The following NT5DC1 variants were observed in gnomAD, a reference collection of about 807,000 sequenced individuals.
NT5DC1 encodes 5'-nucleotidase domain containing 1.
In NT5DC1, 42 loss-of-function variants were observed where a neutral mutation model predicts 59.4. The ratio of observed to expected loss-of-function variants is 0.71; its 90% CI spans 0.55 to 0.92. The LOEUF (loss-of-function observed/expected upper bound fraction) is 0.92. Among genes scored for constraint, NT5DC1 ranks in the 40% least tolerant of loss-of-function variants. NT5DC1 has a pLI of 0.00. For synonymous variants in NT5DC1, 172 were observed against 188.1 expected, an observed-to-expected ratio of 0.91 and a Z score of 0.70; for missense variants, 501 against 537.1, an observed-to-expected ratio of 0.93 and a Z score of 0.66.
At chr6:116,196,389 A>G (rs530608422) in intron 6 of NT5DC1, among the ~76,000 whole-genome samples, 1 of 152,166 alleles carries the variant, frequency 6.6e-6, no homozygotes, top group South Asian at 2.1e-4. Flanking sequence ...GTTAATCAAA[A>G]TTTAAACCAG....
intron 6 of NT5DC1, among the ~76,000 whole-genome samples, chr6:116,188,252 T>C (rs1781043771): frequency 6.6e-6 from 1 of 152,002 alleles, no homozygotes; most frequent in African/African-American, 2.4e-5. Flanking sequence ...GGAGTGTAAA[T>C]TGTTGAGTTG....
chr6:116,122,841 A>G (rs924962410), intron 6 of NT5DC1, among the ~76,000 whole-genome samples: 3 of 152,230 alleles, frequency 2.0e-5, no homozygotes, highest in Non-Finnish European at 4.4e-5. Flanking sequence ...AATTAGAGTT[A>G]TATTTCAATT....
At chr6:116,125,827 A>G in intron 6 of NT5DC1, 1 of 218,072 alleles carries the variant, frequency 4.6e-6, no homozygotes. Flanking sequence ...TAATAGTTTC[A>G]AAATACACTG....
intron 6 of NT5DC1, chr6:116,121,470 G>A: frequency 6.2e-7 from 1 of 1,614,100 alleles, no homozygotes; most frequent in Non-Finnish European, 8.5e-7. Flanking sequence ...ACTCCAGGAG[G>A]GCCAGATGGT....
chr6:116,223,069 C>G lies in NT5DC1; in HGVS notation c.740C>G (p.Thr247Arg). 6.2e-7 allele frequency: 1 copy of G among 1,605,498 alleles called. No homozygotes were observed. ...ACAGACCTTTTTGACATTGTGATTACAAATGCATTGAAGCCTGGTTTCTTC... is the reference window on the plus strand; with the variant it reads ...ACAGACCTTTTTGACATTGTGATTAGAAATGCATTGAAGCCTGGTTTCTTC... ...DFTDLFDIVI[T>R]NALKPGFFSH... Residue 247 changes from threonine to arginine, a missense_variant, in exon 8 of 12, where the codon ACA (threonine) becomes AGA (arginine). By Grantham distance (71) the Thr-to-Arg change is moderately conservative. Coordinates refer to ENST00000319550, the MANE Select transcript of NT5DC1 (RefSeq NM_152729.3).
chr6:116,186,552 A>T (rs1336766468), intron 6 of NT5DC1, among the ~76,000 whole-genome samples: 1 of 151,856 alleles, frequency 6.6e-6, no homozygotes, highest in Non-Finnish European at 1.5e-5. Context: ...TCCCAAACTT[A>T]TTGGAGGCTT....
At chr6:116,175,699 G>A (rs2114461187) in intron 6 of NT5DC1, among the ~76,000 whole-genome samples, 1 of 152,234 alleles carries the variant, frequency 6.6e-6, no homozygotes, top group Non-Finnish European at 1.5e-5. Context: ...TATGTCAGAA[G>A]CTGATGAACA....
intron 11 of NT5DC1, among the ~76,000 whole-genome samples, chr6:116,241,466 TAAAC>T (rs1473233659): frequency 1.3e-5 from 2 of 152,100 alleles, no homozygotes; most frequent in East Asian, 3.8e-4. Context: ...ATGCTAGAAT[TAAAC>T]AATTAAGGAT....
intron 6 of NT5DC1, among the ~76,000 whole-genome samples, chr6:116,157,226 G>C (rs558129349): frequency 6.6e-6 from 1 of 152,284 alleles, no homozygotes. Context: ...GTTTAAAAAT[G>C]AGGATTCCCC....
chr6:116,179,580 A>G (rs953732141), intron 6 of NT5DC1, among the ~76,000 whole-genome samples: 1 of 152,172 alleles, frequency 6.6e-6, no homozygotes, highest in Admixed American at 6.6e-5. Context: ...TCAAAACCAC[A>G]AAGACCTTTT....
intron 2 of NT5DC1, among the ~76,000 whole-genome samples, chr6:116,107,801 T>C (rs1048764918): frequency 1.6e-4 from 25 of 152,092 alleles, no homozygotes; most frequent in African/African-American, 6.0e-4. Flanking sequence ...CTCGATCTCC[T>C]GACCTCGTGA....
chr6:116,157,136 G>A (rs986065168), intron 6 of NT5DC1, among the ~76,000 whole-genome samples: 1 of 152,122 alleles, frequency 6.6e-6, no homozygotes, highest in African/African-American at 2.4e-5. Flanking sequence ...GGAAAACAAA[G>A]CAAAACTAAC....
rs544333773 is a variant in NT5DC1, at chr6:116,248,445, G to T, written c.*4421G>T. The T allele has an allele frequency of 1.1e-4, 17 of 152,282 alleles. No homozygotes were observed. The highest frequency in any genetic ancestry group is 4.1e-4 in the African/African-American group (17 of 41,584). 9.4% of individuals were successfully genotyped at this position (152,282 alleles called of 1,614,324 possible). The stretch of plus-strand genomic sequence containing the variant: ...AGGGACTCAGTAATTAAAAATATAG[G>T]CAAGGGTTTGTTTTGGTTTTTGTTT... On this transcript the variant is annotated 3_prime_UTR_variant, in exon 12 of 12. Transcript: ENST00000319550.
chr6:116,191,177 C>T (rs535930962), intron 6 of NT5DC1, among the ~76,000 whole-genome samples: 1 of 151,888 alleles, frequency 6.6e-6, no homozygotes, highest in Non-Finnish European at 1.5e-5. Context: ...CTCTGGAAGT[C>T]GATATCCTAA....
chr6:116,185,398 T>TA (rs1023322718), intron 6 of NT5DC1, among the ~76,000 whole-genome samples: 2 of 152,096 alleles, frequency 1.3e-5, no homozygotes, highest in Admixed American at 6.6e-5. Context: ...GGGTATAGTT[T>TA]AAGTCCATTG....
At chr6:116,149,341 T>C (rs145987178) in intron 6 of NT5DC1, among the ~76,000 whole-genome samples, 1 of 152,360 alleles carries the variant, frequency 6.6e-6, no homozygotes, top group East Asian at 1.9e-4. Context: ...TTCTGTATAC[T>C]AACTTATTCT....
intron 6 of NT5DC1, chr6:116,125,284 T>A: frequency 6.3e-7 from 1 of 1,583,612 alleles, no homozygotes; most frequent in Non-Finnish European, 8.6e-7. Flanking sequence ...ATTATTAAGA[T>A]TATAGAAAGC....
chr6:116,207,063 G>A (rs190289005), intron 6 of NT5DC1, among the ~76,000 whole-genome samples: 2 of 151,824 alleles, frequency 1.3e-5, no homozygotes, highest in Admixed American at 1.3e-4. Context: ...CTTTTTCCTA[G>A]GTCAAAAGAA....
intron 5 of NT5DC1, among the ~76,000 whole-genome samples, chr6:116,117,014 T>C (rs781554347): frequency 6.6e-6 from 1 of 152,198 alleles, no homozygotes; most frequent in Non-Finnish European, 1.5e-5. Context: ...ACAGTTCGGA[T>C]TTGGAACCTC....
Sources: allele counts gnomAD v4.1 joint callset (sites outside exome capture counted in the v4.1 genomes callset), GRCh38; gene constraint gnomAD v4.1.1; transcripts MANE v1.5; gene names NCBI Gene and HGNC (gene_info 2026-07-23, HGNC 2026-07-21).